JAZF1: variants seen among roughly 807,000 people sequenced by gnomAD.
The protein encoded by JAZF1 is juxtaposed with another zinc finger protein 1.
Under a neutral mutation model 26.4 loss-of-function variants are expected in JAZF1, and 8 were observed. The observed-to-expected ratio is 0.30, with a 90% CI of 0.18 to 0.55. JAZF1 has a LOEUF of 0.55. Ranked by LOEUF, JAZF1 falls within the 20% of genes least tolerant of loss-of-function variation. JAZF1 has a pLI of 0.94. For synonymous variants in JAZF1, 126 were observed against 122.3 expected, an observed-to-expected ratio of 1.03 and a Z score of -0.20; for missense variants, 199 against 322.0, an observed-to-expected ratio of 0.62 and a Z score of 2.92.
intron 1 of JAZF1, among the ~76,000 whole-genome samples, chr7:28,050,193 T>C (rs1439281529): frequency 1.3e-5 from 2 of 152,214 alleles, no homozygotes; most frequent in African/African-American, 4.8e-5. Context: ...TTAGCACCCC[T>C]ATTGCTCAGA....
intron 1 of JAZF1, among the ~76,000 whole-genome samples, chr7:28,080,639 G>A (rs1449301214): frequency 1.3e-5 from 2 of 152,104 alleles, no homozygotes; most frequent in African/African-American, 2.4e-5. Context: ...TTTCAACACT[G>A]CCATGTCTCC....
intron 2 of JAZF1, among the ~76,000 whole-genome samples, chr7:27,922,447 C>T (rs941710455): frequency 1.1e-4 from 16 of 152,086 alleles, no homozygotes; most frequent in Non-Finnish European, 5.9e-5. Flanking sequence ...CGGGGTTTCA[C>T]GGTGTTGCCC....
intron 1 of JAZF1, among the ~76,000 whole-genome samples, chr7:28,120,055 C>T (rs1218546037): frequency 1.3e-5 from 2 of 152,180 alleles, no homozygotes; most frequent in Admixed American, 6.5e-5. Flanking sequence ...AATCCAACCC[C>T]TCCAACCTCC....
At chr7:27,928,462 T>C (rs897257285) in intron 2 of JAZF1, among the ~76,000 whole-genome samples, 3 of 152,248 alleles carry the variant, frequency 2.0e-5, no homozygotes, top group African/African-American at 7.2e-5. Context: ...AATCTTAGAT[T>C]TGCCTTCTAA....
At chr7:27,945,401 A>C (rs1333628738) in intron 2 of JAZF1, among the ~76,000 whole-genome samples, 1 of 152,008 alleles carries the variant, frequency 6.6e-6, no homozygotes, top group Non-Finnish European at 1.5e-5. Context: ...CCGATTCCTG[A>C]CCTTGGTGTG....
intron 4 of JAZF1, among the ~76,000 whole-genome samples, chr7:27,834,728 C>T (rs1014605815): frequency 2.0e-5 from 3 of 152,184 alleles, no homozygotes; most frequent in South Asian, 2.1e-4. Flanking sequence ...AAGAGGCCAA[C>T]GTGTGTATCC....
intron 4 of JAZF1, among the ~76,000 whole-genome samples, chr7:27,838,025 T>C (rs1782851029): frequency 6.6e-6 from 1 of 151,654 alleles, no homozygotes; most frequent in African/African-American, 2.4e-5. Flanking sequence ...TTTTTTTTCT[T>C]TTTTCCTTCC....
At chr7:27,862,963 G>A (rs1451258587) in intron 3 of JAZF1, among the ~76,000 whole-genome samples, 1 of 152,150 alleles carries the variant, frequency 6.6e-6, no homozygotes, top group Non-Finnish European at 1.5e-5. Flanking sequence ...GGACAGCACT[G>A]AGACCAAAAT....
intron 1 of JAZF1, among the ~76,000 whole-genome samples, chr7:28,174,288 G>A (rs1047604112): frequency 6.6e-6 from 1 of 152,142 alleles, no homozygotes; most frequent in Non-Finnish European, 1.5e-5. Context: ...TAGAAAAGGA[G>A]GATTTTTAAG....
chr7:27,860,143 G>A (rs1285233781), intron 3 of JAZF1, among the ~76,000 whole-genome samples: 2 of 152,198 alleles, frequency 1.3e-5, no homozygotes, highest in African/African-American at 2.4e-5. Flanking sequence ...TTTCTTAAAT[G>A]TATGATAGCT....
intron 1 of JAZF1, among the ~76,000 whole-genome samples, chr7:28,114,858 T>C (rs575111328): frequency 4.0e-5 from 6 of 150,524 alleles, no homozygotes; most frequent in Admixed American, 2.7e-4. Context: ...TATAGATGAG[T>C]AGGAATTTTC....
At chr7:28,174,821 G>GGTGTGTGTGTGTGTGTGTGTGTGT (rs58952216) in intron 1 of JAZF1, among the ~76,000 whole-genome samples, 13 of 107,688 alleles carry the variant, frequency 1.2e-4, no homozygotes, top group African/African-American at 3.6e-4. Context: ...GGGGTGTGTG[G>GGTGTGTGTGTGTGTGTGTGTGTGT]GTGTGTGTGT....
At chr7:28,130,626 T>C (rs959091209) in intron 1 of JAZF1, among the ~76,000 whole-genome samples, 2 of 152,196 alleles carry the variant, frequency 1.3e-5, no homozygotes, top group Admixed American at 6.5e-5. Context: ...CTGGAAAACA[T>C]GGACGCTACT....
intron 3 of JAZF1, among the ~76,000 whole-genome samples, chr7:27,851,552 C>T (rs1020073232): frequency 2.0e-5 from 3 of 152,094 alleles, no homozygotes; most frequent in Non-Finnish European, 4.4e-5. Flanking sequence ...ACTCAGGAGG[C>T]TGAGGCAGGA....
intron 3 of JAZF1, among the ~76,000 whole-genome samples, chr7:27,887,262 C>T (rs1421340763): frequency 1.3e-5 from 2 of 152,072 alleles, no homozygotes; most frequent in African/African-American, 4.8e-5. Flanking sequence ...TGCATTTGTA[C>T]CCTGGACTTA....
chr7:27,884,389 C>T (rs1783823762), intron 3 of JAZF1, among the ~76,000 whole-genome samples: 1 of 152,190 alleles, frequency 6.6e-6, no homozygotes, highest in South Asian at 2.1e-4. Context: ...CTCAGCCTCC[C>T]GTGCTGGGAT....
At chr7:27,893,908 T>A (rs1784016371) in intron 3 of JAZF1, among the ~76,000 whole-genome samples, 1 of 152,158 alleles carries the variant, frequency 6.6e-6, no homozygotes, top group Non-Finnish European at 1.5e-5. Context: ...GCTACCACCC[T>A]GGGGTAAGCT....
At chr7:27,842,477 G>A (rs1018253282) in intron 3 of JAZF1, 1 of 152,090 alleles carries the variant, frequency 6.6e-6, no homozygotes, top group Admixed American at 6.6e-5. Context: ...CTGTTTTGAA[G>A]TCTGTTAGAA....
chr7:27,856,734 C>T (rs1459332874), intron 3 of JAZF1, among the ~76,000 whole-genome samples: 1 of 152,036 alleles, frequency 6.6e-6, no homozygotes, highest in Non-Finnish European at 1.5e-5. Context: ...ATTTACAAAC[C>T]TTCAGCTAGA....
Sources: allele counts gnomAD v4.1 joint callset (sites outside exome capture counted in the v4.1 genomes callset), GRCh38; gene constraint gnomAD v4.1.1; transcripts MANE v1.5; gene names NCBI Gene and HGNC (gene_info 2026-07-23, HGNC 2026-07-21).